CCSER2: variants seen among roughly 807,000 people sequenced by gnomAD.
CCSER2 encodes the protein serine-rich coiled-coil domain-containing protein 2.
A neutral mutation model predicts 92.3 loss-of-function variants in CCSER2; 46 were observed. The observed-to-expected ratio is 0.50, with a 90% CI of 0.39 to 0.64. The LOEUF (loss-of-function observed/expected upper bound fraction) is 0.64, where lower values mean the gene tolerates loss of function less well. Ranked by LOEUF, CCSER2 falls within the 30% of genes least tolerant of loss-of-function variation. CCSER2 has a pLI of 0.00. For missense variants in CCSER2, 1,244 were observed against 1,238.9 expected (o/e 1.00, Z -0.06); for synonymous variants, 433 against 431.4 (o/e 1.00, Z -0.04).
At chr10:84,484,431 T>C (rs994705856) in intron 9 of CCSER2, among the ~76,000 whole-genome samples, 13 of 152,082 alleles carry the variant, frequency 8.5e-5, no homozygotes, top group Non-Finnish European at 1.5e-4. Flanking sequence ...GTCCTGATTT[T>C]AAATTTTAAT....
At chr10:84,339,243 A>G (rs1844033827) in intron 1 of CCSER2, among the ~76,000 whole-genome samples, 2 of 151,578 alleles carry the variant, frequency 1.3e-5, no homozygotes, top group Admixed American at 1.3e-4. Flanking sequence ...GTGTCAAGCA[A>G]TTTTCCCACC....
At chr10:84,485,698 C>A (rs1847764758) in intron 9 of CCSER2, among the ~76,000 whole-genome samples, 1 of 152,080 alleles carries the variant, frequency 6.6e-6, no homozygotes, top group South Asian at 2.1e-4. Context: ...TTTTTGATTT[C>A]TTTAATCAGC....
chr10:84,446,098 C>T (rs1844897489), intron 6 of CCSER2, among the ~76,000 whole-genome samples: 1 of 151,950 alleles, frequency 6.6e-6, no homozygotes, highest in Non-Finnish European at 1.5e-5. Context: ...TTTTTGTTTG[C>T]TCTTATCATA....
At chr10:84,358,883 G>T (rs1845347412) in intron 1 of CCSER2, among the ~76,000 whole-genome samples, 1 of 151,978 alleles carries the variant, frequency 6.6e-6, no homozygotes, top group South Asian at 2.1e-4. Flanking sequence ...TTGGTGTCAG[G>T]CATTGCTGAG....
chr10:84,432,148 A>G (rs1380734001), intron 5 of CCSER2, among the ~76,000 whole-genome samples: 1 of 152,248 alleles, frequency 6.6e-6, no homozygotes, highest in Admixed American at 6.5e-5. Context: ...CCCTAATGAT[A>G]AATGATGTTG....
chr10:84,411,390 G>T (rs1041026686), intron 3 of CCSER2, among the ~76,000 whole-genome samples: 1 of 152,132 alleles, frequency 6.6e-6, no homozygotes, highest in African/African-American at 2.4e-5. Flanking sequence ...ATTCGTTTCG[G>T]CAGTATGGCC....
At chr10:84,396,213 G>A (rs1025661118) in intron 3 of CCSER2, among the ~76,000 whole-genome samples, 4 of 133,928 alleles carry the variant, frequency 3.0e-5, no homozygotes, top group African/African-American at 9.6e-5. Context: ...GTGTGTGTGT[G>A]TGTGTGTATA....
intron 3 of CCSER2, among the ~76,000 whole-genome samples, chr10:84,402,886 T>A (rs1440250024): frequency 6.6e-6 from 1 of 152,230 alleles, no homozygotes; most frequent in Non-Finnish European, 1.5e-5. Flanking sequence ...CACTTCTTCC[T>A]AAATTTATAA....
intron 5 of CCSER2, among the ~76,000 whole-genome samples, chr10:84,436,156 T>C (rs1211007371): frequency 1.4e-5 from 2 of 140,550 alleles, no homozygotes; most frequent in African/African-American, 5.4e-5. Flanking sequence ...GAAACCCCCG[T>C]CTCTACTAAA....
chr10:84,426,565 C>G (rs1843444892), intron 5 of CCSER2, among the ~76,000 whole-genome samples: 1 of 152,132 alleles, frequency 6.6e-6, no homozygotes, highest in Non-Finnish European at 1.5e-5. Context: ...GATAAAAGTG[C>G]CTAGAGTAGT....
chr10:84,359,590 G>A (rs1225294249), intron 1 of CCSER2, among the ~76,000 whole-genome samples: 2 of 152,122 alleles, frequency 1.3e-5, no homozygotes, highest in Non-Finnish European at 2.9e-5. Context: ...GTAGTTAGAA[G>A]TTTATGATTT....
At chr10:84,504,158 C>T (rs1848917703) in intron 9 of CCSER2, among the ~76,000 whole-genome samples, 1 of 151,974 alleles carries the variant, frequency 6.6e-6, no homozygotes, top group South Asian at 2.1e-4. Flanking sequence ...TGCTAGCAAC[C>T]TGCAGTTAAA....
intron 6 of CCSER2, among the ~76,000 whole-genome samples, chr10:84,443,349 C>T (rs1159624865): frequency 1.3e-5 from 2 of 152,178 alleles, no homozygotes; most frequent in Non-Finnish European, 2.9e-5. Context: ...TGAACAGACA[C>T]TTCTCGAAAG....
intron 3 of CCSER2, among the ~76,000 whole-genome samples, chr10:84,382,940 A>G (rs2133220384): frequency 6.6e-6 from 1 of 152,268 alleles, no homozygotes; most frequent in Non-Finnish European, 1.5e-5. Flanking sequence ...TTTTATTTAC[A>G]TTTTTTAATC....
chr10:84,332,106 C>T (rs894601444), intron 1 of CCSER2, among the ~76,000 whole-genome samples: 11 of 152,062 alleles, frequency 7.2e-5, no homozygotes, highest in African/African-American at 2.4e-4. Context: ...TTACAGACTC[C>T]AGTAGAGTTT....
intron 9 of CCSER2, among the ~76,000 whole-genome samples, chr10:84,489,800 G>T (rs749308227): frequency 7.9e-5 from 12 of 152,130 alleles, no homozygotes; most frequent in African/African-American, 2.2e-4. Context: ...AGCTGGTTAT[G>T]TTGCTCGTTA....
intron 3 of CCSER2, among the ~76,000 whole-genome samples, chr10:84,382,206 A>G (rs967538368): frequency 6.6e-6 from 1 of 152,186 alleles, no homozygotes; most frequent in Non-Finnish European, 1.5e-5. Context: ...CTCCTGACAC[A>G]GGTACTGATA....
chr10:84,460,251 G>A (rs1010396710), intron 6 of CCSER2, among the ~76,000 whole-genome samples: 2 of 114,650 alleles, frequency 1.7e-5, no homozygotes, highest in South Asian at 2.9e-4. Context: ...CACCATGCCC[G>A]GCTGATTTTT....
intron 1 of CCSER2, among the ~76,000 whole-genome samples, chr10:84,357,449 G>GTTTTT (rs1845237560): frequency 1.7e-5 from 2 of 115,786 alleles, no homozygotes; most frequent in Non-Finnish European, 3.4e-5. Context: ...TTATATTTTT[G>GTTTTT]TGTTTTTTTT....
Sources: gnomAD v4.1 joint callset for allele counts (sites outside exome capture counted in the v4.1 genomes callset) on GRCh38, gnomAD v4.1.1 for gene constraint, MANE v1.5 for transcripts, NCBI Gene and HGNC (gene_info 2026-07-23, HGNC 2026-07-21) for gene names.